Variants in TTC28 observed in about 807,000 individuals in gnomAD.
The protein encoded by TTC28 is tetratricopeptide repeat domain 28.
Under a neutral mutation model 198.0 loss-of-function variants are expected in TTC28, and 61 were observed. The ratio of observed to expected loss-of-function variants is 0.31; its 90% confidence interval spans 0.25 to 0.38. The LOEUF (loss-of-function observed/expected upper bound fraction) is 0.38. TTC28 is among the 10% of genes least tolerant of loss of function. The probability of loss-of-function intolerance (pLI) is 1.00; values close to 1 mark genes in which losing one functional copy is unlikely to be tolerated. For synonymous variants in TTC28, 1,171 were observed against 1,297.8 expected, an observed-to-expected ratio of 0.90 and a Z score of 2.10; for missense variants, 2,678 against 3,164.0, an observed-to-expected ratio of 0.85 and a Z score of 3.69.
intron 5 of TTC28, among the ~76,000 whole-genome samples, chr22:28,226,540 C>T (rs1031622933): frequency 6.6e-6 from 1 of 152,090 alleles, no homozygotes; most frequent in African/African-American, 2.4e-5. Context: ...AATTCTCCCA[C>T]CTCCGCCTTC....
chr22:28,064,796 T>C (rs1940689749), intron 12 of TTC28, among the ~76,000 whole-genome samples: 1 of 152,132 alleles, frequency 6.6e-6, no homozygotes, highest in African/African-American at 2.4e-5. Flanking sequence ...TGAGACTATC[T>C]TGGAAAAGGT....
chr22:28,153,044 G>A (rs2147023249), intron 6 of TTC28, among the ~76,000 whole-genome samples: 1 of 152,192 alleles, frequency 6.6e-6, no homozygotes, highest in Non-Finnish European at 1.5e-5. Flanking sequence ...CGATATGGAT[G>A]TGTATTATAT....
intron 6 of TTC28, among the ~76,000 whole-genome samples, chr22:28,123,520 A>C (rs1000865532): frequency 3.3e-5 from 5 of 152,068 alleles, no homozygotes; most frequent in Non-Finnish European, 5.9e-5. Flanking sequence ...GCCTCCCAAC[A>C]TGTTGGGATT....
chr22:28,312,177 T>TATATGCAACCA (rs1416592488), intron 2 of TTC28, among the ~76,000 whole-genome samples: 1 of 152,072 alleles, frequency 6.6e-6, no homozygotes, highest in Admixed American at 6.6e-5. Flanking sequence ...ATCCTAAATA[T>TATATGCAACCA]ATATGCAACC....
At chr22:28,586,439 C>T (rs926898505) in intron 2 of TTC28, among the ~76,000 whole-genome samples, 1 of 151,684 alleles carries the variant, frequency 6.6e-6, no homozygotes, top group African/African-American at 2.4e-5. Flanking sequence ...AGTGAGAGAA[C>T]AACCGATGGG....
chr22:28,530,672 G>A (rs187643930), intron 2 of TTC28, among the ~76,000 whole-genome samples: 18 of 152,292 alleles, frequency 1.2e-4, no homozygotes, highest in Non-Finnish European at 2.5e-4. Context: ...AGGTCGGGTT[G>A]CCCACAAAGG....
intron 5 of TTC28, among the ~76,000 whole-genome samples, chr22:28,288,281 A>G (rs563706516): frequency 6.6e-6 from 1 of 152,258 alleles, no homozygotes; most frequent in Admixed American, 6.5e-5. Flanking sequence ...TTTTTACTTT[A>G]TAAATTTTGT....
chr22:28,514,456 T>C (rs150952816), intron 2 of TTC28, among the ~76,000 whole-genome samples: 73 of 152,302 alleles, frequency 4.8e-4, no homozygotes, highest in African/African-American at 1.6e-3. Flanking sequence ...TTTCATTTGG[T>C]GTTCATATCA....
chr22:28,546,256 C>G (rs2049538356), intron 2 of TTC28, among the ~76,000 whole-genome samples: 1 of 152,046 alleles, frequency 6.6e-6, no homozygotes, highest in African/African-American at 2.4e-5. Context: ...TTGGGCCTGG[C>G]CCAACATGGT....
chr22:28,258,901 G>A (rs1931135485), intron 5 of TTC28, among the ~76,000 whole-genome samples: 1 of 137,682 alleles, frequency 7.3e-6, no homozygotes, highest in Non-Finnish European at 1.6e-5. Flanking sequence ...TTTGGTTAAA[G>A]AGTGTGTGTG....
At chr22:28,365,752 T>G (rs1161843725) in intron 2 of TTC28, among the ~76,000 whole-genome samples, 2 of 152,218 alleles carry the variant, frequency 1.3e-5, no homozygotes, top group Non-Finnish European at 2.9e-5. Flanking sequence ...CACTTCTCCT[T>G]TTAATTTGAA....
At chr22:28,354,232 T>A (rs2046041307) in intron 2 of TTC28, among the ~76,000 whole-genome samples, 1 of 152,174 alleles carries the variant, frequency 6.6e-6, no homozygotes, top group Non-Finnish European at 1.5e-5. Context: ...CCAACAGTGT[T>A]CATAATAGCA....
At chr22:28,386,404 G>C (rs1414088471) in intron 2 of TTC28, among the ~76,000 whole-genome samples, 2 of 151,594 alleles carry the variant, frequency 1.3e-5, no homozygotes, top group Non-Finnish European at 2.9e-5. Flanking sequence ...TCTCATGATG[G>C]GCAGGGACCA....
At chr22:28,407,747 G>C (rs982787598) in intron 2 of TTC28, among the ~76,000 whole-genome samples, 1 of 152,132 alleles carries the variant, frequency 6.6e-6, no homozygotes, top group Non-Finnish European at 1.5e-5. Context: ...AATGAATACA[G>C]GGATAGAATC....
intron 2 of TTC28, among the ~76,000 whole-genome samples, chr22:28,496,851 C>T (rs946474267): frequency 3.9e-5 from 6 of 152,164 alleles, no homozygotes; most frequent in Non-Finnish European, 7.3e-5. Context: ...CTTACCCAGT[C>T]TAACCCTTGG....
chr22:28,186,335 T>C (rs1282107484), intron 5 of TTC28, among the ~76,000 whole-genome samples: 1 of 152,178 alleles, frequency 6.6e-6, no homozygotes, highest in Non-Finnish European at 1.5e-5. Flanking sequence ...AATGCAAAGA[T>C]ACGGAATGAA....
chr22:28,232,561 G>A (rs1928893674), intron 5 of TTC28, among the ~76,000 whole-genome samples: 2 of 152,038 alleles, frequency 1.3e-5, no homozygotes, highest in African/African-American at 2.4e-5. Context: ...CTTAACATTT[G>A]TTTTGCAAAT....
chr22:28,599,442 C>A (rs966992084), intron 2 of TTC28, among the ~76,000 whole-genome samples: 2 of 152,190 alleles, frequency 1.3e-5, no homozygotes, highest in African/African-American at 4.8e-5. Flanking sequence ...GGCTCATGAA[C>A]CTTCAGCAAA....
At chr22:28,575,046 C>T (rs1276373412) in intron 2 of TTC28, among the ~76,000 whole-genome samples, 1 of 152,096 alleles carries the variant, frequency 6.6e-6, no homozygotes, top group Non-Finnish European at 1.5e-5. Context: ...TCCCATTTGT[C>T]CATTTTTACT....
Sources: gnomAD v4.1 joint callset for allele counts (sites outside exome capture counted in the v4.1 genomes callset) on GRCh38, gnomAD v4.1.1 for gene constraint, MANE v1.5 for transcripts, NCBI Gene and HGNC (gene_info 2026-07-23, HGNC 2026-07-21) for gene names.